The following KIF13B variants were observed in gnomAD, a reference collection of about 807,000 sequenced individuals.
KIF13B encodes the protein kinesin-like protein KIF13B.
In KIF13B, 127 loss-of-function variants were observed where a neutral mutation model predicts 222.0. The ratio of observed to expected loss-of-function variants is 0.57; its 90% CI spans 0.50 to 0.66. The LOEUF (loss-of-function observed/expected upper bound fraction) is 0.66, where lower values mean the gene tolerates loss of function less well. Among genes scored for constraint, KIF13B ranks in the 30% least tolerant of loss-of-function variants. The pLI, the probability that KIF13B is intolerant of heterozygous loss-of-function variation, is 0.00. For missense variants in KIF13B, 2,173 were observed against 2,379.0 expected, an observed-to-expected ratio of 0.91 and a Z score of 1.80; for synonymous variants, 976 against 919.0, an observed-to-expected ratio of 1.06 and a Z score of -1.12.
chr8:29,233,862 A>ATG (rs199651742), intron 2 of KIF13B, among the ~76,000 whole-genome samples: 28 of 152,160 alleles, frequency 1.8e-4, no homozygotes, highest in South Asian at 6.2e-4. Flanking sequence ...TCTGAAGTAC[A>ATG]TGTGTGTGTG....
At position 29,071,904 on chromosome 8, in the gene KIF13B, G is replaced by A. The variant is rs1329860970; in HGVS notation, c.4934C>T (p.Pro1645Leu). 5.5e-6 allele frequency: 8 copies of A among 1,460,728 alleles called. No homozygotes were observed. The highest frequency in any genetic ancestry group is 7.1e-6 in the Non-Finnish European group (8 of 1,119,030). The allele number at this position is 1,460,728 out of a possible 1,614,324, so 90.5% of individuals were successfully genotyped here. The stretch of plus-strand genomic sequence containing the variant: ...GGCCCGCACCCTCCGGACGCGGAAC[G>A]GGGAGCCGGGCGCCGGGGCCTCGAG... ...PDLEAPAPGS[P>L]FRVRRVRASE... Residue 1645 changes from proline (P) to leucine (L), a missense_variant, in exon 39 of 40, where the codon CCG (proline) becomes CTG (leucine). Coordinates refer to ENST00000524189, the MANE Select transcript of KIF13B (RefSeq NM_015254.4). This position sits in a 1 kb window ranked among gnomAD's most constrained non-coding sequence, Gnocchi z 4.9.
At chr8:29,080,737 C>G (rs1187141341) in intron 37 of KIF13B, among the ~76,000 whole-genome samples, 3 of 152,208 alleles carry the variant, frequency 2.0e-5, no homozygotes, top group Non-Finnish European at 4.4e-5. Flanking sequence ...CATGAGTTCT[C>G]TAAGCGGTGT....
At chr8:29,199,087 T>TTTTTTTTTTTTTTTTTTATTA (rs1563781453) in intron 2 of KIF13B, among the ~76,000 whole-genome samples, 15 of 151,806 alleles carry the variant, frequency 9.9e-5, no homozygotes, top group East Asian at 9.7e-4. Context: ...ATAAAATTTT[T>TTTTTTTTTTTTTTTTTTATTA]TAAAAAATAG....
intron 29 of KIF13B, 84 bp from the exon 30 acceptor site, chr8:29,119,076 AT>A (rs1809736753): frequency 7.3e-7 from 1 of 1,361,576 alleles, no homozygotes; most frequent in African/African-American, 1.5e-5. Context: ...GATTATTACA[AT>A]TCTTCTGCTT....
chr8:29,230,716 C>T (rs1815248405), intron 2 of KIF13B, among the ~76,000 whole-genome samples: 1 of 152,178 alleles, frequency 6.6e-6, no homozygotes, highest in African/African-American at 2.4e-5. Context: ...TGATCAAAGG[C>T]TCCAAGGAGA....
chr8:29,127,970 T>C (rs1810189083), intron 24 of KIF13B, among the ~76,000 whole-genome samples: 1 of 151,634 alleles, frequency 6.6e-6, no homozygotes, highest in East Asian at 1.9e-4. Context: ...AGTATTACTG[T>C]AGAAAAACAT....
intron 2 of KIF13B, among the ~76,000 whole-genome samples, chr8:29,243,637 C>CA (rs1157005821): frequency 2.7e-5 from 4 of 150,006 alleles, no homozygotes; most frequent in African/African-American, 9.9e-5. Flanking sequence ...GCCTGGGCGA[C>CA]AGAGTGAGAC....
At position 29,155,744 on chromosome 8, in the gene KIF13B, G is replaced by A; in HGVS notation, c.1517C>T (p.Thr506Ile). The A allele has an allele frequency of 6.2e-7, 1 of 1,605,758 alleles. No individual in the cohort carries two copies. Among genetic ancestry groups the A allele is most frequent in the Non-Finnish European group, 8.5e-7 (1 of 1,175,592 alleles). The change falls in exon 14 of 40, where the codon ACT (threonine) becomes ATT (isoleucine). Residue 506 changes from threonine to isoleucine, a missense_variant. Physicochemically the swap from Thr to Ile is moderately conservative, Grantham distance 89. Coordinates refer to ENST00000524189, the MANE Select transcript of KIF13B (RefSeq NM_015254.4). ...ATGTTACCTGGTGTTCTTCTGAGGA[G>A]TCAGCATAACCTGGCCTTCTGACGT... ...DITSEGQVML[T>I]PQKNTRTFVN... is the part of the protein sequence containing the mutation.
At chr8:29,146,655 G>A (rs563325878) in intron 17 of KIF13B, 115 bp from the exon 18 acceptor site, 11 of 911,780 alleles carry the variant, frequency 1.2e-5, no homozygotes, top group Middle Eastern at 3.3e-4. Context: ...AGCTTTTTCC[G>A]TGGTCGTCTG....
rs1000870120 is a variant in KIF13B, at chr8:29,071,033, A to AGGCCCTGGG, written c.5219-276_5219-268dup. Among the ~76,000 whole-genome samples, 1 of 152,156 alleles carries AGGCCCTGGG rather than the reference A, an allele frequency of 6.6e-6. No homozygotes were observed. The highest frequency in any genetic ancestry group is 1.5e-5 in the Non-Finnish European group (1 of 68,006). On this transcript the variant is annotated intron_variant, in intron 39 of 39. Coordinates refer to ENST00000524189, the MANE Select transcript of KIF13B (RefSeq NM_015254.4). The surrounding 1 kb of genome is among the most constrained non-coding windows in gnomAD (Gnocchi z 4.9). ...CCTGCAGCCTCAGGTAGGAGGTGAC[A>AGGCCCTGGG]GGCCCTGGGGGCCCTGGGGAGTGCC...
chr8:29,261,558 GTGATGGTAAAC>G (rs1441597377), intron 1 of KIF13B, among the ~76,000 whole-genome samples: 3 of 152,100 alleles, frequency 2.0e-5, no homozygotes, highest in Non-Finnish European at 4.4e-5. Flanking sequence ...TTAAATTATT[GTGATGGTAAAC>G]TGGAAGTAAA....
chr8:29,134,744 T>C (rs764178729), intron 21 of KIF13B, among the ~76,000 whole-genome samples: 2 of 152,198 alleles, frequency 1.3e-5, no homozygotes, highest in African/African-American at 2.4e-5. Context: ...CTATACAACA[T>C]TGTTTGGGAA....
In KIF13B at chr8:29,132,293, A is replaced by T; in HGVS notation, c.2942+15T>A. On this transcript the variant is annotated intron_variant, in intron 23 of 39. Coordinates refer to ENST00000524189, the MANE Select transcript of KIF13B (RefSeq NM_015254.4). The stretch of plus-strand genomic sequence containing the variant: ...CATATATATAAATGGAATCAGATGA[A>T]CATCTAATATTCACCTGTCCCGAAG... 7.0e-7 allele frequency: 1 copy of T among 1,429,792 alleles called. No homozygotes were observed. The highest frequency in any genetic ancestry group is 9.2e-7 in the Non-Finnish European group (1 of 1,083,960). 88.6% of individuals were successfully genotyped at this position (1,429,792 alleles called of 1,614,324 possible). A position where few individuals can be genotyped will look rare whatever the true frequency, so the allele number is the denominator to read the frequency against.
In KIF13B at chr8:29,071,856, C is replaced by A. The variant is rs1345413811; in HGVS notation, c.4982G>T (p.Arg1661Leu). Residue 1661 changes from arginine (R) to leucine (L), a missense_variant, in exon 39 of 40, where the codon CGC becomes CTC. Arg to Leu is a moderately radical substitution (Grantham distance 102). Coordinates refer to ENST00000524189, the MANE Select transcript of KIF13B (RefSeq NM_015254.4). This position sits in a 1 kb window ranked among gnomAD's most constrained non-coding sequence, Gnocchi z 4.9. ...GCAGCCGGGGTCCCCAGCCAGCATG[C>A]GCGAGAAGGAGCGCAACTCCGAGGC... ...VRASELRSFS[R>L]MLAGDPGCSP... 4 of 1,537,676 alleles carry A rather than the reference C, an allele frequency of 2.6e-6. No individual in the cohort carries two copies. The highest frequency in any genetic ancestry group is 1.2e-5 in the South Asian group (1 of 83,976).
chr8:29,142,234 A>AAGACC lies in KIF13B; in HGVS notation c.2252_2256dup (p.Leu753GlyfsTer13). 6.2e-7 allele frequency: 1 copy of AAGACC among 1,613,814 alleles called. No homozygotes were observed. The highest frequency in any genetic ancestry group is 8.5e-7 in the Non-Finnish European group (1 of 1,179,780). ...AACAGCCTGTTGTCCAGTTTTTCCAAAGACCAAATCTGCTTTCCTTTTCCT... is the reference window on the plus strand; with the variant it reads ...AACAGCCTGTTGTCCAGTTTTTCCAAAGACCAGACCAAATCTGCTTTCCTTTTCCT... On this transcript the variant is annotated frameshift_variant, in exon 19 of 40. Transcript: ENST00000524189. LOFTEE classifies it high-confidence loss of function.
intron 35 of KIF13B, among the ~76,000 whole-genome samples, chr8:29,106,755 A>T (rs188667127): frequency 6.6e-6 from 1 of 152,098 alleles, no homozygotes; most frequent in Admixed American, 6.6e-5. Flanking sequence ...ATAATTAACA[A>T]TTGGAATAGC....
intron 1 of KIF13B, among the ~76,000 whole-genome samples, chr8:29,246,331 C>G (rs562347510): frequency 2.0e-5 from 3 of 150,570 alleles, no homozygotes; most frequent in African/African-American, 7.4e-5. Context: ...GAGCTGAGAT[C>G]GTGCCACTGC....
Position 29,070,616 on chromosome 8 carries a change from C to T in KIF13B, c.5369G>A (p.Arg1790Gln), listed in dbSNP as rs753252153. 1.9e-5 allele frequency: 30 copies of T among 1,578,780 alleles called. No individual in the cohort carries two copies. The highest frequency in any genetic ancestry group is 1.9e-4 in the East Asian group (8 of 42,910). Residue 1790 changes from arginine to glutamine, a missense_variant, in exon 40 of 40, where the codon CGG becomes CAG. By Grantham distance (43) the Arg-to-Gln change is conservative. Coordinates refer to ENST00000524189, the MANE Select transcript of KIF13B (RefSeq NM_015254.4). This position sits in a 1 kb window ranked among gnomAD's most constrained non-coding sequence, Gnocchi z 4.1. The part of the protein sequence containing the change: ...GLRLGAPEAR[R>Q]SATLSGSATN... ...GGCGGAGCCCGAGAGGGTGGCGCTC[C>T]GGCGGGCCTCGGGGGCACCCAGCCG... is the stretch of plus-strand genomic sequence containing the variant.
rs960327108 is a variant in KIF13B at position 29,188,525 on chromosome 8, A to G, written c.306T>C (p.Tyr102=). 2 of 1,599,672 alleles carry G rather than the reference A, an allele frequency of 1.3e-6. No homozygotes were observed. Among genetic ancestry groups the G allele is most frequent in the Non-Finnish European group, 1.7e-6 (2 of 1,167,846 alleles). Residue 102 remains tyrosine (Y), a synonymous_variant, in exon 5 of 40, where the codon TAT becomes TAC. Transcript: ENST00000524189. ...FDGYNACIFA[Y]GQTGSGKSYT... Reference sequence around the variant, plus strand: ...GTTATTTAACATTACCAGTCTGTCCATAGGCAAAGATACATGCATTGTAGC... The same window carrying G: ...GTTATTTAACATTACCAGTCTGTCCGTAGGCAAAGATACATGCATTGTAGC...
Sources: gnomAD v4.1 joint callset for allele counts (sites outside exome capture counted in the v4.1 genomes callset) on GRCh38, gnomAD v4.1.1 for gene constraint, Gnocchi (gnomAD v3.1) non-coding constraint, MANE v1.5 for transcripts, NCBI Gene and HGNC (gene_info 2026-07-23, HGNC 2026-07-21) for gene names.